Variants in C12orf76 observed in about 807,000 individuals in gnomAD.
C12orf76 encodes uncharacterized protein C12orf76.
C12orf76 carries 6 observed loss-of-function variants against 6.8 expected under a neutral mutation model. That is an observed-to-expected ratio of 0.88 (90% confidence interval 0.48 to 1.73). The LOEUF (loss-of-function observed/expected upper bound fraction) is 1.73, where lower values mean the gene tolerates loss of function less well. C12orf76 is among the 40% of genes most tolerant of loss of function. The pLI is 0.01. For synonymous variants in C12orf76, 56 were observed against 43.7 expected (o/e 1.28, Z -1.11); for missense variants, 99 against 98.2 (o/e 1.01, Z -0.03).
chr12:110,071,843 C>T (rs186694143), upstream of C12orf76, among the ~76,000 whole-genome samples: 18 of 152,252 alleles, frequency 1.2e-4, no homozygotes, highest in Admixed American at 1.1e-3. Flanking sequence ...AAACTGGACC[C>T]CTCATACTCT....
chr12:110,048,936 A>G (rs936222639), upstream of C12orf76: 1 of 153,938 alleles, frequency 6.5e-6, no homozygotes, highest in Admixed American at 6.5e-5. Flanking sequence ...TTGCCCAGAC[A>G]TCCTTTTCTA....
In C12orf76 at chr12:110,057,235, G is replaced by A. The variant is rs770575902; in HGVS notation, n.618C>T. 5.0e-6 allele frequency: 8 copies of A among 1,614,094 alleles called. No homozygotes were observed. The South Asian group carries it at 6.6e-5, about 13-fold the overall frequency. On this transcript the variant is annotated non_coding_transcript_exon_variant, in exon 4 of 5. Coordinates refer to the C12orf76 transcript ENST00000309050. ...GGCCCCATGCCAGCATGGTTAGATT[G>A]TTCTTCAAGCTCTGCAGGGAGGATG...
upstream of C12orf76, chr12:110,050,399 G>T (rs923734032): frequency 6.5e-6 from 1 of 153,500 alleles, no homozygotes; most frequent in African/African-American, 2.4e-5. Flanking sequence ...TGGGTAAAAT[G>T]AGGCTGAAAC....
intron 2 of C12orf76, among the ~76,000 whole-genome samples, chr12:110,062,747 G>C (rs1402061698): frequency 6.9e-6 from 1 of 144,814 alleles, no homozygotes; most frequent in Non-Finnish European, 1.5e-5. Flanking sequence ...AGCCTCCCCA[G>C]TAGCTGGAAC....
chr12:110,052,186 G>A (rs1467891960), upstream of C12orf76, among the ~76,000 whole-genome samples: 8 of 149,080 alleles, frequency 5.4e-5, no homozygotes, highest in East Asian at 2.0e-4. Flanking sequence ...ATGAGCCACC[G>A]TGCCCGGCCT....
upstream of C12orf76, among the ~76,000 whole-genome samples, chr12:110,068,304 GAAGAAGAAGAA>G (rs1892911977): frequency 6.8e-6 from 1 of 146,708 alleles, no homozygotes; most frequent in South Asian, 2.2e-4. Context: ...AGAAGAAGAA[GAAGAAGAAGAA>G]GAAGAAGAAG....
At chr12:110,072,864 C>T (rs904114044) in intron 1 of C12orf76, among the ~76,000 whole-genome samples, 10 of 151,586 alleles carry the variant, frequency 6.6e-5, no homozygotes, top group Non-Finnish European at 1.3e-4. Flanking sequence ...AGGCGAATCT[C>T]CTGAACCCAG....
intron 1 of C12orf76, among the ~76,000 whole-genome samples, chr12:110,066,245 G>A (rs939585006): frequency 2.5e-4 from 38 of 151,470 alleles, no homozygotes; most frequent in African/African-American, 7.3e-4. Context: ...GGTGGCACAC[G>A]CCTGTAGTCC....
Position 110,042,477 on chromosome 12 carries a change from G to GT in C12orf76, c.134-19dup. The stretch of plus-strand genomic sequence containing the variant: ...CATCAACACTGCAAAGGGAAAACAG[G>GT]TTACTTCCTAATGGCAGCTCCAGGT... On this transcript the variant is annotated intron_variant, in intron 1 of 1. Coordinates refer to ENST00000615315, the MANE Select transcript of C12orf76 (RefSeq NM_001389625.1). The GT allele has an allele frequency of 6.5e-7, 1 of 1,549,226 alleles. No individual in the cohort carries two copies. The highest frequency in any genetic ancestry group is 8.9e-7 in the Non-Finnish European group (1 of 1,121,012).
chr12:110,065,870 A>C (rs1892850359), exon 2 of C12orf76: 1 of 1,613,980 alleles, frequency 6.2e-7, no homozygotes. Flanking sequence ...CAGGTTCTGG[A>C]ACATGCTGTC....
At chr12:110,067,681 A>G (rs1265623568) in exon 1 of C12orf76, 8 of 508,430 alleles carry the variant, frequency 1.6e-5, no homozygotes, top group Non-Finnish European at 2.0e-5. Context: ...CGGCCGGCTC[A>G]GTCATCTTCT....
upstream of C12orf76, among the ~76,000 whole-genome samples, chr12:110,053,296 C>T (rs568071438): frequency 1.3e-5 from 2 of 152,054 alleles, no homozygotes; most frequent in Non-Finnish European, 2.9e-5. Context: ...ACCAGAAGTT[C>T]GAGACCAGCC....
At chr12:110,055,537 G>A (rs939994569) in intron 4 of C12orf76, among the ~76,000 whole-genome samples, 1 of 152,140 alleles carries the variant, frequency 6.6e-6, no homozygotes, top group African/African-American at 2.4e-5. Flanking sequence ...AATTGTAACT[G>A]CTCAAAGGGT....
chr12:110,073,211 C>T (rs1013630740), intron 1 of C12orf76, among the ~76,000 whole-genome samples: 5 of 152,238 alleles, frequency 3.3e-5, no homozygotes, highest in East Asian at 1.9e-4. Flanking sequence ...AAATGAATCC[C>T]GCTCGCCTTC....
At chr12:110,044,582 T>A (rs887480476) in intron 1 of C12orf76, 1 of 153,816 alleles carries the variant, frequency 6.5e-6, no homozygotes, top group African/African-American at 2.4e-5. Flanking sequence ...GATTTGACCA[T>A]AGTTTTATTT....
chr12:110,062,146 C>G (rs1443934798), intron 2 of C12orf76, among the ~76,000 whole-genome samples: 2 of 152,080 alleles, frequency 1.3e-5, no homozygotes, highest in Non-Finnish European at 2.9e-5. Flanking sequence ...CGCCTGTAAT[C>G]CCAGCTACTT....
chr12:110,051,904 CTTTTTTTTT>C (rs567991255), upstream of C12orf76, among the ~76,000 whole-genome samples: 8,485 of 100,844 alleles, frequency 0.084, 425 homozygotes, highest in African/African-American at 0.18. Context: ...GGCAGCTACT[CTTTTTTTTT>C]TTTTTTTTTT....
intron 2 of C12orf76, among the ~76,000 whole-genome samples, chr12:110,063,928 A>G (rs959023711): frequency 6.6e-6 from 1 of 151,998 alleles, no homozygotes; most frequent in African/African-American, 2.4e-5. Context: ...ACAAACGAAC[A>G]AACAAACAAA....
At chr12:110,062,937 C>T (rs545402633) in intron 2 of C12orf76, among the ~76,000 whole-genome samples, 3 of 151,236 alleles carry the variant, frequency 2.0e-5, no homozygotes, top group Non-Finnish European at 3.0e-5. Flanking sequence ...ACCCCTGCAG[C>T]GGGCTGAATA....
Sources: allele counts gnomAD v4.1 joint callset (sites outside exome capture counted in the v4.1 genomes callset), GRCh38; gene constraint gnomAD v4.1.1; transcripts MANE v1.5; gene names NCBI Gene and HGNC (gene_info 2026-07-23, HGNC 2026-07-21).